Variants in FRMD3 observed in about 807,000 individuals in gnomAD.
The protein encoded by FRMD3 is FERM domain containing 3.
In FRMD3, 33 loss-of-function variants were observed where a neutral mutation model predicts 70.2. That is an observed-to-expected ratio of 0.47 (90% CI 0.36 to 0.63). FRMD3 has a LOEUF of 0.63. FRMD3 is among the 20% of genes least tolerant of loss of function. FRMD3 has a pLI of 0.00. For synonymous variants in FRMD3, 279 were observed against 255.9 expected (o/e 1.09, Z -0.86); for missense variants, 632 against 711.4 (o/e 0.89, Z 1.27).
chr9:83,245,917 C>T lies in FRMD3; in HGVS notation c.*2001G>A, dbSNP rs1372772133. ...GGATTCCAATCACAGAAAATATATT[C>T]CTAAATCAGTATCAACTTTCAGGTA... On this transcript the variant is annotated 3_prime_UTR_variant, in exon 14 of 14. Transcript: ENST00000304195. 17 of 981,388 alleles carry T rather than the reference C, an allele frequency of 1.7e-5. No individual in the cohort carries two copies. Among genetic ancestry groups the T allele is most frequent in the Non-Finnish European group, 2.1e-5 (17 of 826,434 alleles). 60.8% of individuals were successfully genotyped at this position (981,388 alleles called of 1,614,324 possible). A position where few individuals can be genotyped will look rare whatever the true frequency, so the allele number is the denominator to read the frequency against.
At chr9:83,425,603 T>C (rs1165988563) in intron 1 of FRMD3, among the ~76,000 whole-genome samples, 1 of 152,054 alleles carries the variant, frequency 6.6e-6, no homozygotes, top group African/African-American at 2.4e-5. Flanking sequence ...CAACTTTGCA[T>C]TTTAGAAAGA....
At chr9:83,316,684 T>C (rs959515251) in intron 6 of FRMD3, among the ~76,000 whole-genome samples, 6 of 152,226 alleles carry the variant, frequency 3.9e-5, no homozygotes, top group Non-Finnish European at 8.8e-5. Context: ...AATTACTATC[T>C]TGGGCCATTT....
At chr9:83,357,608 T>G (rs1824444230) in intron 3 of FRMD3, among the ~76,000 whole-genome samples, 1 of 152,108 alleles carries the variant, frequency 6.6e-6, no homozygotes, top group South Asian at 2.1e-4. Flanking sequence ...TTATTTTTAA[T>G]TATGGCCATT....
intron 3 of FRMD3, among the ~76,000 whole-genome samples, chr9:83,360,720 C>G (rs1476918288): frequency 6.6e-6 from 1 of 152,186 alleles, no homozygotes; most frequent in Non-Finnish European, 1.5e-5. Context: ...CTACTGCACC[C>G]AATCAAAATG....
chr9:83,520,989 A>T (rs1829559525), intron 1 of FRMD3, among the ~76,000 whole-genome samples: 1 of 150,824 alleles, frequency 6.6e-6, no homozygotes, highest in Non-Finnish European at 1.5e-5. Context: ...AAAAAAAAAA[A>T]AAAGCCAGGC....
intron 1 of FRMD3, among the ~76,000 whole-genome samples, chr9:83,483,377 TCA>T (rs1284850802): frequency 6.6e-6 from 1 of 152,174 alleles, no homozygotes; most frequent in Admixed American, 6.5e-5. Context: ...CATAAATTAC[TCA>T]GTCTCAGGTA....
At chr9:83,580,866 C>T in the FRMD3 span, among the ~76,000 whole-genome samples, 2 of 152,092 alleles carry the variant, frequency 1.3e-5, no homozygotes, top group East Asian at 3.9e-4. Flanking sequence ...CAATGTACCC[C>T]ATGAATGTAT....
In FRMD3 at chr9:83,247,480, A is replaced by C; in HGVS notation, c.*438T>G. On this transcript the variant is annotated 3_prime_UTR_variant, in exon 14 of 14. Coordinates refer to ENST00000304195, the MANE Select transcript of FRMD3 (RefSeq NM_174938.6). ...AAAAACCCAGCATAAATTTAGTTGT[A>C]TAGGCATTGGTTAGAGGACACTGTT... 1 of 984,178 alleles carries C rather than the reference A, an allele frequency of 1.0e-6. No individual in the cohort carries two copies. Among genetic ancestry groups the C allele is most frequent in the South Asian group, 4.7e-5 (1 of 21,240 alleles). The allele number at this position is 984,178 out of a possible 1,614,324, so 61.0% of individuals were successfully genotyped here.
chr9:83,339,719 C>T (rs1240475211), intron 5 of FRMD3, among the ~76,000 whole-genome samples: 12 of 152,174 alleles, frequency 7.9e-5, no homozygotes, highest in East Asian at 1.9e-4. Flanking sequence ...TAACCAACAA[C>T]GCAGGGTCAC....
At chr9:83,310,883 T>C (rs903648733) in intron 8 of FRMD3, among the ~76,000 whole-genome samples, 1 of 152,226 alleles carries the variant, frequency 6.6e-6, no homozygotes, top group African/African-American at 2.4e-5. Context: ...AAGAACGTGG[T>C]GATTTCAGAT....
At chr9:83,408,980 AT>A (rs755383068) in intron 1 of FRMD3, among the ~76,000 whole-genome samples, 134 of 152,186 alleles carry the variant, frequency 8.8e-4, no homozygotes, top group Admixed American at 2.4e-3. Context: ...TGTGCAATCC[AT>A]TGTCCTGAAA....
In FRMD3 at chr9:83,421,131, G is replaced by A. The variant is rs910192619; in HGVS notation, c.148-31423C>T. 6.1e-4 allele frequency among the ~76,000 whole-genome samples: 92 copies of A among 151,080 alleles called. 1 individual carries two copies. Among genetic ancestry groups the A allele is most frequent in the African/African-American group, 2.0e-3 (82 of 41,208 alleles). On this transcript the variant is annotated intron_variant, in intron 1 of 13. Transcript: ENST00000304195. ...AATTTTTTGTATTTTTAGTAGAGGC[G>A]GGGTTTCACTGTGTTAGCCAGGATG...
At position 83,455,599 on chromosome 9, in the gene FRMD3, C is replaced by T. The variant is rs552660527; in HGVS notation, c.148-65891G>A. ...AAGCCCAATTAAACCTCTTTTTCTTCCCAGTCTTGGATATGTCTTTATCAG... is the reference window on the plus strand; with the variant it reads ...AAGCCCAATTAAACCTCTTTTTCTTTCCAGTCTTGGATATGTCTTTATCAG... On this transcript the variant is annotated intron_variant, in intron 1 of 13. Coordinates refer to ENST00000304195, the MANE Select transcript of FRMD3 (RefSeq NM_174938.6). Among the ~76,000 whole-genome samples the T allele has an allele frequency of 2.6e-5, 4 of 152,262 alleles. No homozygotes were observed. In the South Asian group the frequency reaches 6.2e-4, roughly 24 times the overall value.
intron 13 of FRMD3, among the ~76,000 whole-genome samples, chr9:83,249,667 T>C (rs993069619): frequency 2.6e-5 from 4 of 152,054 alleles, no homozygotes; most frequent in Non-Finnish European, 4.4e-5. Flanking sequence ...ATACAAGAAA[T>C]ATACAAAAGG....
At chr9:83,448,272 A>T (rs1827539732) in intron 1 of FRMD3, among the ~76,000 whole-genome samples, 1 of 152,202 alleles carries the variant, frequency 6.6e-6, no homozygotes, top group African/African-American at 2.4e-5. Context: ...CACCTCTGCC[A>T]CAGTCCCCAC....
chr9:83,274,614 G>A (rs146421696), intron 13 of FRMD3, among the ~76,000 whole-genome samples: 3 of 152,170 alleles, frequency 2.0e-5, no homozygotes, highest in Admixed American at 2.0e-4. Flanking sequence ...AGCTTTGTCT[G>A]AGAGAGAAGG....
At chr9:83,500,455 A>G (rs892741410) in intron 1 of FRMD3, among the ~76,000 whole-genome samples, 1 of 151,538 alleles carries the variant, frequency 6.6e-6, no homozygotes, top group Non-Finnish European at 1.5e-5. Flanking sequence ...CTACTCTAAC[A>G]TATTTCAGGG....
chr9:83,482,228 T>C (rs987831062), intron 1 of FRMD3, among the ~76,000 whole-genome samples: 1 of 152,202 alleles, frequency 6.6e-6, no homozygotes, highest in African/African-American at 2.4e-5. Flanking sequence ...TTGAAAACTT[T>C]GAAGAATATT....
At chr9:83,273,869 TC>T (rs1833702232) in intron 13 of FRMD3, among the ~76,000 whole-genome samples, 1 of 152,126 alleles carries the variant, frequency 6.6e-6, no homozygotes, top group South Asian at 2.1e-4. Context: ...AGGCTGGAGT[TC>T]AGTGGCCCAT....
Sources: gnomAD v4.1 joint callset for allele counts (sites outside exome capture counted in the v4.1 genomes callset) on GRCh38, gnomAD v4.1.1 for gene constraint, MANE v1.5 for transcripts, NCBI Gene and HGNC (gene_info 2026-07-23, HGNC 2026-07-21) for gene names.